The following RANBP2 variants were observed in gnomAD, a reference collection of about 807,000 sequenced individuals.
RANBP2 encodes the protein RAN binding protein 2, also known as E3 SUMO-protein ligase RanBP2.
In RANBP2, 57 loss-of-function variants were observed where a neutral mutation model predicts 303.6. That is an observed-to-expected ratio of 0.19 (90% CI 0.15 to 0.23). RANBP2 has a LOEUF of 0.23. RANBP2 is among the 10% of genes least tolerant of loss of function. The probability of loss-of-function intolerance (pLI) is 1.00; values close to 1 mark genes in which losing one functional copy is unlikely to be tolerated. For synonymous variants in RANBP2, 1,167 were observed against 1,301.5 expected, an observed-to-expected ratio of 0.90 and a Z score of 2.23; for missense variants, 3,138 against 3,780.8, an observed-to-expected ratio of 0.83 and a Z score of 4.46.
chr2:109,276,091 G>C, the RANBP2 span, among the ~76,000 whole-genome samples: 1 of 152,140 alleles, frequency 6.6e-6, no homozygotes, highest in Non-Finnish European at 1.5e-5. Flanking sequence ...TTCCCAGGAA[G>C]GGGGATCTCG....
At chr2:109,589,524 T>A in the RANBP2 span, among the ~76,000 whole-genome samples, 1 of 151,954 alleles carries the variant, frequency 6.6e-6, no homozygotes, top group Non-Finnish European at 1.5e-5. Flanking sequence ...AGCAAGACTC[T>A]GTCTCAAAAA....
the RANBP2 span, among the ~76,000 whole-genome samples, chr2:109,619,484 G>C: frequency 6.6e-6 from 1 of 152,140 alleles, no homozygotes; most frequent in African/African-American, 2.4e-5. Context: ...AAGGCTTCCT[G>C]TGATCTGTAT....
At chr2:109,349,019 T>TTCTC in the RANBP2 span, among the ~76,000 whole-genome samples, 2 of 150,804 alleles carry the variant, frequency 1.3e-5, no homozygotes, top group African/African-American at 2.4e-5. Flanking sequence ...GTGTCAGTAT[T>TTCTC]TCTCTCTCTC....
At chr2:109,298,212 A>G in the RANBP2 span, among the ~76,000 whole-genome samples, 1 of 152,112 alleles carries the variant, frequency 6.6e-6, no homozygotes, top group Non-Finnish European at 1.5e-5. Context: ...AGATGCAGAG[A>G]AGGGAAGGAG....
the RANBP2 span, among the ~76,000 whole-genome samples, chr2:108,838,956 C>T: frequency 7.3e-4 from 111 of 152,034 alleles, no homozygotes; most frequent in Non-Finnish European, 1.3e-4. Context: ...GGTTAATCTC[C>T]TTAAACTAGA....
chr2:109,326,812 G>T, the RANBP2 span, among the ~76,000 whole-genome samples: 2 of 152,210 alleles, frequency 1.3e-5, no homozygotes, highest in Non-Finnish European at 2.9e-5. Flanking sequence ...TTCTTAGGGG[G>T]ACGCCTGTCT....
chr2:108,757,319 G>A (rs1183113279), intron 17 of RANBP2, among the ~76,000 whole-genome samples: 10 of 152,170 alleles, frequency 6.6e-5, no homozygotes, highest in Admixed American at 6.5e-4. Context: ...ACACTAGACG[G>A]CATTGTATCT....
chr2:109,445,726 C>A, the RANBP2 span, among the ~76,000 whole-genome samples: 505 of 151,588 alleles, frequency 3.3e-3, 4 homozygotes, highest in African/African-American at 0.012. Context: ...GTCCTTGTGA[C>A]TGGAAGGGAG....
the RANBP2 span, among the ~76,000 whole-genome samples, chr2:109,426,025 G>A: frequency 6.6e-6 from 1 of 152,152 alleles, no homozygotes; most frequent in East Asian, 1.9e-4. Flanking sequence ...AGCCTTCCCG[G>A]TAGCTGGGAT....
Position 108,767,329 on chromosome 2 carries a change from A to G in RANBP2, c.6790A>G (p.Thr2264Ala), listed in dbSNP as rs748221152. Residue 2264 changes from threonine to alanine, a missense_variant, in exon 20 of 29, where the codon ACA becomes GCA. This residue lies in a region of RANBP2 where 72 missense variants were observed against 86.8 expected (regional missense o/e 0.83). Transcript: ENST00000283195. Reference protein sequence around the residue: ...RKNLFRFGESTTGFNFSFKSA... With the variant: ...RKNLFRFGESATGFNFSFKSA... Reference sequence around the variant, plus strand: ...AAATCTTTTCCGTTTTGGTGAGTCAACAACAGGATTTAACTTCAGTTTTAA... The same window carrying G: ...AAATCTTTTCCGTTTTGGTGAGTCAGCAACAGGATTTAACTTCAGTTTTAA... The G allele has an allele frequency of 5.0e-6, 8 of 1,611,976 alleles. No homozygotes were observed. Among genetic ancestry groups the G allele is most frequent in the Non-Finnish European group, 6.8e-6 (8 of 1,179,886 alleles).
At chr2:109,330,094 A>G in the RANBP2 span, among the ~76,000 whole-genome samples, 2 of 152,218 alleles carry the variant, frequency 1.3e-5, no homozygotes, top group African/African-American at 2.4e-5. Flanking sequence ...ATGTAATGAA[A>G]TATATGTAGC....
At chr2:108,796,255 T>C in the RANBP2 span, among the ~76,000 whole-genome samples, 2 of 151,514 alleles carry the variant, frequency 1.3e-5, no homozygotes, top group Non-Finnish European at 2.9e-5. Flanking sequence ...GGGGTTTCAC[T>C]GTGTTAGCCA....
chr2:109,034,638 C>T, the RANBP2 span, among the ~76,000 whole-genome samples: 5 of 152,214 alleles, frequency 3.3e-5, no homozygotes, highest in South Asian at 2.1e-4. Context: ...AAGGTGGGGC[C>T]GGGTGCCCCA....
At chr2:109,413,838 T>A in the RANBP2 span, among the ~76,000 whole-genome samples, 3 of 152,188 alleles carry the variant, frequency 2.0e-5, no homozygotes, top group Non-Finnish European at 4.4e-5. Flanking sequence ...AGTGAGGGCT[T>A]TCCCTGCAGG....
At chr2:109,458,830 A>G in the RANBP2 span, among the ~76,000 whole-genome samples, 1 of 152,318 alleles carries the variant, frequency 6.6e-6, no homozygotes, top group East Asian at 1.9e-4. Flanking sequence ...CTTAAGGTAA[A>G]CTGGCTGTAG....
At chr2:108,730,219 CTTAT>C (rs1008973995) in intron 2 of RANBP2, among the ~76,000 whole-genome samples, 1 of 137,364 alleles carries the variant, frequency 7.3e-6, no homozygotes, top group Admixed American at 6.9e-5. Context: ...AGGATATTTA[CTTAT>C]TTTAGTTGTT....
At chr2:109,187,720 C>T in the RANBP2 span, among the ~76,000 whole-genome samples, 3 of 152,156 alleles carry the variant, frequency 2.0e-5, no homozygotes, top group Non-Finnish European at 4.4e-5. Context: ...ATATATTCTC[C>T]TTGTTAAGTG....
the RANBP2 span, among the ~76,000 whole-genome samples, chr2:109,108,936 C>T: frequency 1.0e-5 from 1 of 99,146 alleles, no homozygotes; most frequent in African/African-American, 2.8e-5. Flanking sequence ...AGTTCAGTCC[C>T]TCTGTGTCGG....
chr2:109,500,851 G>T, the RANBP2 span, among the ~76,000 whole-genome samples: 3 of 152,296 alleles, frequency 2.0e-5, no homozygotes, highest in African/African-American at 7.2e-5. Context: ...TCGGGAGGCT[G>T]AGGTGGGAGG....
Sources: gnomAD v4.1 joint callset for allele counts (sites outside exome capture counted in the v4.1 genomes callset) on GRCh38, gnomAD v4.1.1 for gene constraint, gnomAD v4.1.1 regional missense constraint, MANE v1.5 for transcripts, NCBI Gene and HGNC (gene_info 2026-07-23, HGNC 2026-07-21) for gene names.